The following AGAP6 variants were observed in gnomAD, a reference collection of about 807,000 sequenced individuals.
The protein encoded by AGAP6 is arf-GAP with GTPase, ANK repeat and PH domain-containing protein 6.
A neutral mutation model predicts 63.9 loss-of-function variants in AGAP6; 29 were observed. The ratio of observed to expected loss-of-function variants is 0.45; its 90% CI spans 0.34 to 0.62. The LOEUF (loss-of-function observed/expected upper bound fraction) is 0.62, where lower values mean the gene tolerates loss of function less well. AGAP6 is among the 20% of genes least tolerant of loss of function. The pLI is 0.01. For missense variants in AGAP6, 493 were observed against 884.9 expected (o/e 0.56, Z 5.62); for synonymous variants, 199 against 332.9 (o/e 0.60, Z 4.38).
In AGAP6 at chr10:50,002,089, A is replaced by G. The variant is rs548921967; in HGVS notation, c.490A>G (p.Ile164Val). ...CATCCAGCATTATCTTACAATGACA[A>G]TAATATCGTGAGTACAACTATGCTG... ...TAIQHYLTMT[I>V]ISVTLEIPHH... The change falls in exon 5 of 8, where the codon ATA becomes GTA. Residue 164 changes from isoleucine to valine, a missense_variant. By Grantham distance (29) the Ile-to-Val change is conservative. Coordinates refer to ENST00000412531, the MANE Select transcript of AGAP6 (RefSeq NM_001077665.3). 130 of 1,606,718 alleles carry G rather than the reference A, an allele frequency of 8.1e-5. No homozygotes were observed. In the African/African-American group the frequency reaches 1.2e-3, roughly 14 times the overall value.
chr10:50,001,914 C>A (rs1841727499), intron 4 of AGAP6, 82 bp from the exon 5 acceptor site: 10 of 1,426,146 alleles, frequency 7.0e-6, no homozygotes, highest in Non-Finnish European at 9.7e-6. Flanking sequence ...TAAGACATAT[C>A]TTAGTGCTTT....
Position 49,996,208 on chromosome 10 carries a change from A to G in AGAP6, c.396+1779A>G, listed in dbSNP as rs182214961. Among the ~76,000 whole-genome samples, 160 of 151,250 alleles carry G rather than the reference A, an allele frequency of 1.1e-3. 1 individual carries two copies. Among genetic ancestry groups the G allele is most frequent in the African/African-American group, 3.4e-3 (138 of 41,172 alleles). The stretch of plus-strand genomic sequence containing the variant: ...TGTGACTTTATCCTCTACTATTTCT[A>G]TTGAATTTTGTAATTTTTGGAGTGT... On this transcript the variant is annotated intron_variant, in intron 4 of 7. Transcript: ENST00000412531.
At position 49,998,614 on chromosome 10, in the gene AGAP6, A is replaced by G. The variant is rs528329585; in HGVS notation, c.397-3382A>G. Among the ~76,000 whole-genome samples the G allele has an allele frequency of 5.6e-3, 760 of 136,096 alleles. 57 individuals are homozygous for G. Among genetic ancestry groups the G allele is most frequent in the Non-Finnish European group, 9.0e-3 (587 of 64,934 alleles). 89.3% of individuals were successfully genotyped at this position (136,096 alleles called of 152,430 possible). ...TCAGTACCATGCTATTTTGGCGACT[A>G]TGGCCTTATAGTATAGTTTGAAATC... On this transcript the variant is annotated intron_variant, in intron 4 of 7. Coordinates refer to ENST00000412531, the MANE Select transcript of AGAP6 (RefSeq NM_001077665.3).
intron 4 of AGAP6, 51 bp from the exon 5 acceptor site, chr10:50,001,945 A>C: frequency 6.2e-7 from 1 of 1,603,510 alleles, no homozygotes; most frequent in Non-Finnish European, 8.5e-7. Flanking sequence ...ATTTTAACTG[A>C]GAAAATAATA....
chr10:50,009,000 G>A lies in AGAP6; in HGVS notation c.875G>A (p.Arg292Gln), dbSNP rs781941358. 1.2e-4 allele frequency: 186 copies of A among 1,613,928 alleles called. No homozygotes were observed. Among genetic ancestry groups the A allele is most frequent in the East Asian group, 3.1e-4 (14 of 44,886 alleles). ...ATTAAACAGGGCATGCTCTTAAAGC[G>A]AAGTGGGAAATGGCTGAAGACATGG... ...IPIKQGMLLK[R>Q]SGKWLKTWKK... The change falls in exon 8 of 8, where the codon CGA (arginine) becomes CAA (glutamine). Residue 292 changes from arginine to glutamine, a missense_variant. Physicochemically the swap from Arg to Gln is conservative, Grantham distance 43. Transcript: ENST00000412531.
rs2132167238 is a variant in AGAP6, at chr10:50,009,260, C to T, written c.1135C>T (p.Pro379Ser). Residue 379 changes from proline to serine, a missense_variant, in exon 8 of 8, where the codon CCC (proline) becomes TCC (serine). By Grantham distance (74) the Pro-to-Ser change is moderately conservative. Coordinates refer to ENST00000412531, the MANE Select transcript of AGAP6 (RefSeq NM_001077665.3). Reference protein sequence around the residue: ...TGLGDSICFSPSISSTTSPKL... With the variant: ...TGLGDSICFSSSISSTTSPKL... ...GCTGGGTGACTCCATATGCTTCAGC[C>T]CCAGTATCTCCAGCACCACCAGCCC... 1 of 1,614,188 alleles carries T rather than the reference C, an allele frequency of 6.2e-7. No individual in the cohort carries two copies. Among genetic ancestry groups the T allele is most frequent in the African/African-American group, 1.3e-5 (1 of 75,050 alleles).
At chr10:49,997,551 G>T (rs1332579931) in intron 4 of AGAP6, among the ~76,000 whole-genome samples, 1 of 151,886 alleles carries the variant, frequency 6.6e-6, no homozygotes, top group Non-Finnish European at 1.5e-5. Flanking sequence ...AATTTGTCCT[G>T]CCCAAAAGGA....
At chr10:49,992,306 C>G (rs1841314042) in intron 3 of AGAP6, among the ~76,000 whole-genome samples, 1 of 152,082 alleles carries the variant, frequency 6.6e-6, no homozygotes, top group East Asian at 1.9e-4. Flanking sequence ...TTTAAACATG[C>G]CCTACTCCTG....
At chr10:49,989,857 C>T (rs527901905) in intron 2 of AGAP6, among the ~76,000 whole-genome samples, 1 of 152,102 alleles carries the variant, frequency 6.6e-6, no homozygotes, top group East Asian at 1.9e-4. Flanking sequence ...AGGAGTTTAC[C>T]TATGAGGCTC....
intron 4 of AGAP6, among the ~76,000 whole-genome samples, chr10:49,998,200 C>G (rs1484898241): frequency 3.8e-5 from 4 of 105,006 alleles, no homozygotes; most frequent in Non-Finnish European, 7.3e-5. Flanking sequence ...CTGATTGTTC[C>G]TTTTCCTGTG....
intron 5 of AGAP6, among the ~76,000 whole-genome samples, chr10:50,003,798 C>G (rs1841800347): frequency 1.3e-5 from 2 of 152,164 alleles, no homozygotes; most frequent in Non-Finnish European, 2.9e-5. Context: ...TTTCCCTGAT[C>G]TGTAAAACGA....
intron 5 of AGAP6, among the ~76,000 whole-genome samples, chr10:50,002,319 GATGCCTTT>G (rs1363608756): frequency 1.6e-5 from 2 of 128,690 alleles, no homozygotes; most frequent in Non-Finnish European, 3.3e-5. Flanking sequence ...GTATCTTTTT[GATGCCTTT>G]ATGCCTTTAG....
intron 3 of AGAP6, 150 bp downstream of exon 3, chr10:49,991,894 C>G (rs1841295496): frequency 1.6e-6 from 2 of 1,276,188 alleles, no homozygotes; most frequent in African/African-American, 3.0e-5. Flanking sequence ...GATATACTTT[C>G]CTTTAGTTGT....
Position 49,996,229 on chromosome 10 carries a change from A to G in AGAP6, c.396+1800A>G, listed in dbSNP as rs538021436. On this transcript the variant is annotated intron_variant, in intron 4 of 7. Transcript: ENST00000412531. ...TTCTATTGAATTTTGTAATTTTTGGAGTGTTTTAAGATTTTTTTTTAAAGT... is the reference window on the plus strand; with the variant it reads ...TTCTATTGAATTTTGTAATTTTTGGGGTGTTTTAAGATTTTTTTTTAAAGT... 4.0e-5 allele frequency among the ~76,000 whole-genome samples: 6 copies of G among 150,758 alleles called. No homozygotes were observed. The East Asian group carries it at 1.2e-3, about 29-fold the overall frequency.
At position 50,009,364 on chromosome 10, in the gene AGAP6, T is replaced by C. The variant is rs1554864962; in HGVS notation, c.1239T>C (p.Ile413=). The C allele has an allele frequency of 6.2e-7, 1 of 1,614,180 alleles. No homozygotes were observed. Among genetic ancestry groups the C allele is most frequent in the Non-Finnish European group, 8.5e-7 (1 of 1,180,046 alleles). Reference sequence around the variant, plus strand: ...AGAAAAGCACCAACAACTTTATGATTGTGTCTGCCACTGGCCAAACGTGGC... The same window carrying C: ...AGAAAAGCACCAACAACTTTATGATCGTGTCTGCCACTGGCCAAACGTGGC... ...LKKKSTNNFM[I]VSATGQTWHF... is the part of the protein sequence containing the mutation. Residue 413 remains isoleucine, a synonymous_variant, in exon 8 of 8, where the codon ATT becomes ATC. Coordinates refer to ENST00000412531, the MANE Select transcript of AGAP6 (RefSeq NM_001077665.3).
chr10:50,001,066 T>TAA (rs1346321392), intron 4 of AGAP6, among the ~76,000 whole-genome samples: 2 of 150,726 alleles, frequency 1.3e-5, no homozygotes, highest in African/African-American at 5.0e-5. Context: ...CGCCGTGGCT[T>TAA]ACGCCTGTAA....
chr10:49,994,676 C>A (rs1312475359), intron 4 of AGAP6, among the ~76,000 whole-genome samples: 5 of 152,112 alleles, frequency 3.3e-5, no homozygotes, highest in Non-Finnish European at 7.3e-5. Context: ...AAAGATCTGC[C>A]TTACGGCTGG....
intron 6 of AGAP6, among the ~76,000 whole-genome samples, chr10:50,006,772 A>G (rs1264721371): frequency 2.0e-5 from 3 of 152,074 alleles, no homozygotes; most frequent in Admixed American, 1.3e-4. Context: ...AACAAAAAAA[A>G]AAGCGCTTCT....
rs1181242540 is a variant in AGAP6 at position 50,009,015 on chromosome 10, TGAAGACATG to T, written c.894_902del (p.Thr299_Lys301del). 2 of 1,613,866 alleles carry T rather than the reference TGAAGACATG, an allele frequency of 1.2e-6. No homozygotes were observed. Among genetic ancestry groups the T allele is most frequent in the Non-Finnish European group, 1.7e-6 (2 of 1,179,870 alleles). Reference sequence around the variant, plus strand: ...CTCTTAAAGCGAAGTGGGAAATGGCTGAAGACATGGAAAAAGAAATACGTCACCCTGTGT... The same window carrying T: ...CTCTTAAAGCGAAGTGGGAAATGGCTGAAAAAGAAATACGTCACCCTGTGT... On this transcript the variant is annotated inframe_deletion, in exon 8 of 8. Transcript: ENST00000412531.
Sources: allele counts gnomAD v4.1 joint callset (sites outside exome capture counted in the v4.1 genomes callset), GRCh38; gene constraint gnomAD v4.1.1; transcripts MANE v1.5; gene names NCBI Gene and HGNC (gene_info 2026-07-23, HGNC 2026-07-21).